Variants in TTC27 observed in about 807,000 individuals in gnomAD.
TTC27 encodes tetratricopeptide repeat protein 27.
In TTC27, 79 loss-of-function variants were observed where a neutral mutation model predicts 115.9. That is an observed-to-expected ratio of 0.68 (90% CI 0.57 to 0.82). The LOEUF (loss-of-function observed/expected upper bound fraction) is 0.82. Among genes scored for constraint, TTC27 ranks in the 40% least tolerant of loss-of-function variants. The probability of loss-of-function intolerance (pLI) is 0.00; values close to 1 mark genes in which losing one functional copy is unlikely to be tolerated. For missense variants in TTC27, 1,054 were observed against 993.1 expected, an observed-to-expected ratio of 1.06 and a Z score of -0.82; for synonymous variants, 401 against 356.0, an observed-to-expected ratio of 1.13 and a Z score of -1.42.
At chr2:32,814,509 A>G (rs1383083172) in intron 18 of TTC27, among the ~76,000 whole-genome samples, 1 of 152,208 alleles carries the variant, frequency 6.6e-6, no homozygotes, top group Non-Finnish European at 1.5e-5. Flanking sequence ...AATAAGCTGG[A>G]TTTCTCTGTG....
At position 32,628,390 on chromosome 2, in the gene TTC27, G is replaced by T; in HGVS notation, c.88+10G>T. On this transcript the variant is annotated intron_variant, in intron 1 of 19. Transcript: ENST00000317907. ...GGGGTCGTCGGTTCAGGTGAGAGGC[G>T]CACCTACCGGGCCTTAGGCTATCGT... is the stretch of plus-strand genomic sequence containing the variant. The T allele has an allele frequency of 6.3e-7, 1 of 1,578,206 alleles. No homozygotes were observed. The highest frequency in any genetic ancestry group is 8.6e-7 in the Non-Finnish European group (1 of 1,164,808).
intron 10 of TTC27, among the ~76,000 whole-genome samples, chr2:32,718,732 A>C (rs1667829309): frequency 6.6e-6 from 1 of 152,166 alleles, no homozygotes; most frequent in African/African-American, 2.4e-5. Context: ...GGCTGACTGC[A>C]GACTCTGCAC....
chr2:32,750,675 AT>A (rs1237608506), intron 12 of TTC27, among the ~76,000 whole-genome samples: 3 of 152,206 alleles, frequency 2.0e-5, no homozygotes, highest in Admixed American at 6.5e-5. Flanking sequence ...AAACTTTAAA[AT>A]TTCTTCAAAC....
chr2:32,791,792 T>A (rs960251004), intron 16 of TTC27, among the ~76,000 whole-genome samples: 1 of 152,098 alleles, frequency 6.6e-6, no homozygotes, highest in Non-Finnish European at 1.5e-5. Flanking sequence ...GGAGGATTGC[T>A]TAAGCCCAGG....
chr2:32,723,777 T>TC (rs1324212359), intron 10 of TTC27, among the ~76,000 whole-genome samples: 20 of 130,470 alleles, frequency 1.5e-4, no homozygotes, highest in South Asian at 8.7e-4. Flanking sequence ...CTTCCTTCCT[T>TC]CTCTCCCTCC....
intron 10 of TTC27, among the ~76,000 whole-genome samples, chr2:32,704,045 TCCTGCTTATGAGGGCTCTGC>T (rs770554320): frequency 3.9e-5 from 6 of 152,160 alleles, no homozygotes; most frequent in Non-Finnish European, 8.8e-5. Context: ...AGGGCCAAAG[TCCTGCTTATGAGGGCTCTGC>T]CCTCAGGACT....
intron 10 of TTC27, among the ~76,000 whole-genome samples, chr2:32,726,180 G>A (rs1250232629): frequency 6.6e-6 from 1 of 152,190 alleles, no homozygotes; most frequent in Non-Finnish European, 1.5e-5. Context: ...CCATTGTCTT[G>A]GGGATTAACA....
At chr2:32,782,526 G>C (rs1226812491) in intron 14 of TTC27, 100 bp from the exon 15 acceptor site, 1 of 912,900 alleles carries the variant, frequency 1.1e-6, no homozygotes, top group Non-Finnish European at 1.7e-6. Flanking sequence ...TGGTTTTAAA[G>C]AGCATATATT....
intron 12 of TTC27, among the ~76,000 whole-genome samples, chr2:32,754,549 C>G (rs79612362): frequency 1.5e-4 from 22 of 146,184 alleles, no homozygotes; most frequent in African/African-American, 5.6e-4. Flanking sequence ...TACTTCTTTC[C>G]ACACAGACAC....
intron 9 of TTC27, among the ~76,000 whole-genome samples, chr2:32,692,067 A>T (rs1666839044): frequency 8.1e-5 from 2 of 24,554 alleles, no homozygotes; most frequent in Non-Finnish European, 1.8e-4. Context: ...TTTTTTGTAG[A>T]GACAGGTCTC....
At chr2:32,780,130 G>A (rs1178672796) in intron 14 of TTC27, 2 of 462,330 alleles carry the variant, frequency 4.3e-6, no homozygotes, top group Non-Finnish European at 9.0e-6. Flanking sequence ...CTCCAACTTT[G>A]TTCTTCCTTT....
At position 32,628,266 on chromosome 2, in the gene TTC27, GT is replaced by G; in HGVS notation, c.-23del. On this transcript the variant is annotated 5_prime_UTR_variant, in exon 1 of 20. Transcript: ENST00000317907. ...TCCCGTGTGGCCCTCGTGGGAGCCT[GT>G]TTTGGCTGCAGCGGTGTCTGGGGTG... 1.3e-6 allele frequency: 2 copies of G among 1,593,116 alleles called. No homozygotes were observed. Among genetic ancestry groups the G allele is most frequent in the East Asian group, 2.3e-5 (1 of 44,120 alleles).
At chr2:32,664,166 C>A in intron 5 of TTC27, 137 bp from the exon 6 acceptor site, 2 of 684,248 alleles carry the variant, frequency 2.9e-6, no homozygotes, top group Non-Finnish European at 4.5e-6. Context: ...TTACTGTATT[C>A]CTCAGGTCTT....
At chr2:32,775,136 ATCT>A (rs1398022555) in intron 13 of TTC27, among the ~76,000 whole-genome samples, 2 of 152,214 alleles carry the variant, frequency 1.3e-5, no homozygotes, top group Non-Finnish European at 2.9e-5. Flanking sequence ...ACCCTTGTAA[ATCT>A]TCTTAGATGG....
chr2:32,748,408 G>T (rs188436504), intron 12 of TTC27, among the ~76,000 whole-genome samples: 45 of 152,294 alleles, frequency 3.0e-4, no homozygotes, highest in Non-Finnish European at 4.9e-4. Flanking sequence ...GTATTCTGCT[G>T]TTGGCTGGAG....
In TTC27 at chr2:32,699,286, C is replaced by A. The variant is rs1667102996; in HGVS notation, c.1120-3521C>A. On this transcript the variant is annotated intron_variant, in intron 9 of 19. Transcript: ENST00000317907. ...CTCCCTCACAAAGTGGCATTAAGGC[C>A]AAGACCTAAATGAGACAGAGCCAGC... Among the ~76,000 whole-genome samples the A allele has an allele frequency of 2.6e-5, 4 of 152,200 alleles. No homozygotes were observed. In the South Asian group the frequency reaches 8.3e-4, roughly 32 times the overall value.
Position 32,704,854 on chromosome 2 carries a change from C to T in TTC27, c.1233+1934C>T, listed in dbSNP as rs774805620. ...GTAGAAATGATGTAGTACTCTTCTTCCCTCAGGTGGCACATGATGTTCACT... is the reference window on the plus strand; with the variant it reads ...GTAGAAATGATGTAGTACTCTTCTTTCCTCAGGTGGCACATGATGTTCACT... On this transcript the variant is annotated intron_variant, in intron 10 of 19. Transcript: ENST00000317907. 47 of 470,980 alleles carry T rather than the reference C, an allele frequency of 1.0e-4. No homozygotes were observed. The Middle Eastern group carries it at 1.3e-3, about 13-fold the overall frequency. 29.2% of individuals were successfully genotyped at this position (470,980 alleles called of 1,614,324 possible). A position where few individuals can be genotyped will look rare whatever the true frequency, so the allele number is the denominator to read the frequency against.
chr2:32,718,323 T>C (rs1667817865), intron 10 of TTC27, among the ~76,000 whole-genome samples: 1 of 152,206 alleles, frequency 6.6e-6, no homozygotes, highest in Non-Finnish European at 1.5e-5. Flanking sequence ...ATTTCTTCCA[T>C]CTTTTCTCCT....
chr2:32,677,645 T>G (rs113190688), intron 8 of TTC27, among the ~76,000 whole-genome samples: 2,580 of 152,098 alleles, frequency 0.017, 64 homozygotes, highest in African/African-American at 0.059. Context: ...GAGATGTGGT[T>G]TTACCATGTT....
Sources: gnomAD v4.1 joint callset for allele counts (sites outside exome capture counted in the v4.1 genomes callset) on GRCh38, gnomAD v4.1.1 for gene constraint, MANE v1.5 for transcripts, NCBI Gene and HGNC (gene_info 2026-07-23, HGNC 2026-07-21) for gene names.